The following CLTCL1 variants were observed in gnomAD, a reference collection of about 807,000 sequenced individuals.
CLTCL1 encodes the protein clathrin heavy chain like 1.
In CLTCL1, 159 loss-of-function variants were observed where a neutral mutation model predicts 190.0. The ratio of observed to expected loss-of-function variants is 0.84; its 90% CI spans 0.74 to 0.95. The LOEUF (loss-of-function observed/expected upper bound fraction) is 0.95. Among genes scored for constraint, CLTCL1 ranks in the 40% least tolerant of loss-of-function variants. The pLI is 0.00. For missense variants in CLTCL1, 1,878 were observed against 2,033.4 expected, an observed-to-expected ratio of 0.92 and a Z score of 1.47; for synonymous variants, 752 against 769.6, an observed-to-expected ratio of 0.98 and a Z score of 0.38.
chr22:19,222,916 A>T (rs2085622131), intron 14 of CLTCL1, 107 bp from the exon 15 acceptor site: 1 of 1,348,904 alleles, frequency 7.4e-7, no homozygotes, highest in African/African-American at 1.4e-5. Flanking sequence ...GCAGAGTGAC[A>T]CACAGGAGAC....
At chr22:19,281,884 T>C (rs1414581935) in intron 1 of CLTCL1, among the ~76,000 whole-genome samples, 1 of 152,190 alleles carries the variant, frequency 6.6e-6, no homozygotes, top group Non-Finnish European at 1.5e-5. Flanking sequence ...TACACATGTA[T>C]GGCATTTGAA....
intron 2 of CLTCL1, among the ~76,000 whole-genome samples, chr22:19,256,640 G>A (rs1251501303): frequency 6.6e-6 from 1 of 151,246 alleles, no homozygotes; most frequent in East Asian, 1.9e-4. Flanking sequence ...TTATAGGCGC[G>A]AGCCACCATG....
At chr22:19,194,646 G>A (rs1601469125) in intron 26 of CLTCL1, among the ~76,000 whole-genome samples, 1 of 152,320 alleles carries the variant, frequency 6.6e-6, no homozygotes. Flanking sequence ...GAAACATGAT[G>A]TCCATTGTAT....
chr22:19,200,911 T>G (rs2146318086), intron 23 of CLTCL1, among the ~76,000 whole-genome samples: 1 of 152,268 alleles, frequency 6.6e-6, no homozygotes, highest in Admixed American at 6.5e-5. Context: ...ATTTTAATCT[T>G]TCATTAAACA....
chr22:19,203,788 A>C (rs569229309), intron 22 of CLTCL1, among the ~76,000 whole-genome samples: 39 of 152,114 alleles, frequency 2.6e-4, no homozygotes, highest in Non-Finnish European at 5.3e-4. Flanking sequence ...AGCTGGACAG[A>C]TCCACATGGC....
At chr22:19,206,919 GTTTAT>G (rs201154168) in intron 22 of CLTCL1, among the ~76,000 whole-genome samples, 6,952 of 150,996 alleles carry the variant, frequency 0.046, 231 homozygotes, top group Non-Finnish European at 0.065. Flanking sequence ...TATGGTTAAG[GTTTAT>G]TTAAACATTT....
chr22:19,265,403 G>A (rs774332191), intron 2 of CLTCL1, among the ~76,000 whole-genome samples: 3 of 151,982 alleles, frequency 2.0e-5, no homozygotes, highest in Non-Finnish European at 4.4e-5. Context: ...AAATATGTTG[G>A]TTAGTATAAA....
At chr22:19,286,197 T>G (rs2087900383) in intron 1 of CLTCL1, among the ~76,000 whole-genome samples, 2 of 152,060 alleles carry the variant, frequency 1.3e-5, no homozygotes, top group African/African-American at 4.8e-5. Flanking sequence ...TGAAGATCTG[T>G]TTTTCCAAAG....
intron 2 of CLTCL1, among the ~76,000 whole-genome samples, chr22:19,261,950 C>T (rs1458464135): frequency 6.6e-6 from 1 of 152,212 alleles, no homozygotes; most frequent in Non-Finnish European, 1.5e-5. Flanking sequence ...TTGCACGCTA[C>T]AGAGCAATCT....
At chr22:19,211,825 T>C (rs1271579624) in intron 19 of CLTCL1, among the ~76,000 whole-genome samples, 1 of 133,332 alleles carries the variant, frequency 7.5e-6, no homozygotes, top group Admixed American at 7.4e-5. Flanking sequence ...CATGATTGAT[T>C]AAAAAAAACT....
intron 26 of CLTCL1, among the ~76,000 whole-genome samples, chr22:19,192,199 G>A (rs1225445573): frequency 6.6e-6 from 1 of 151,538 alleles, no homozygotes; most frequent in African/African-American, 2.4e-5. Flanking sequence ...CTGAGTAGCT[G>A]GGACTACAGG....
intron 2 of CLTCL1, among the ~76,000 whole-genome samples, chr22:19,266,768 T>C (rs1555978104): frequency 6.6e-6 from 1 of 152,244 alleles, no homozygotes; most frequent in Admixed American, 6.5e-5. Context: ...AATTAATTTA[T>C]GTAATACACC....
chr22:19,186,746 G>T (rs1415792528), intron 29 of CLTCL1, among the ~76,000 whole-genome samples: 1 of 151,974 alleles, frequency 6.6e-6, no homozygotes, highest in Non-Finnish European at 1.5e-5. Context: ...GATTGCAGGA[G>T]TGCACCACTA....
chr22:19,209,098 A>G lies in CLTCL1; in HGVS notation c.3266T>C (p.Ile1089Thr), dbSNP rs2085140891. The change falls in exon 21 of 33, where the codon ATT becomes ACT. Residue 1089 changes from isoleucine to threonine, a missense_variant. Physicochemically the swap from Ile to Thr is moderately conservative, Grantham distance 89. Transcript: ENST00000427926. ...ASAIQVLIEH[I>T]GNLDRAYEFA... is the part of the protein sequence containing the mutation. ...CTCATATGCCCGGTCCAGGTTTCCAATGTGCTCGATCAGGACCTAGGGGTT... is the reference window on the plus strand; with the variant it reads ...CTCATATGCCCGGTCCAGGTTTCCAGTGTGCTCGATCAGGACCTAGGGGTT... The G allele has an allele frequency of 3.1e-6, 5 of 1,604,574 alleles. No individual in the cohort carries two copies. The highest frequency in any genetic ancestry group is 4.3e-6 in the Non-Finnish European group (5 of 1,175,148).
intron 2 of CLTCL1, among the ~76,000 whole-genome samples, chr22:19,261,844 T>C (rs577636485): frequency 1.9e-4 from 29 of 152,106 alleles, no homozygotes; most frequent in Non-Finnish European, 4.1e-4. Flanking sequence ...TTTAGAACAG[T>C]ACATAAACTT....
chr22:19,232,725 G>A, intron 9 of CLTCL1, 127 bp from the exon 10 acceptor site: 1 of 1,195,582 alleles, frequency 8.4e-7, no homozygotes, highest in Non-Finnish European at 1.1e-6. Flanking sequence ...ATCATGTGTA[G>A]GTACCACCTT....
chr22:19,180,393 C>T (rs1269498060), intron 31 of CLTCL1, among the ~76,000 whole-genome samples, 155 bp from the exon 32 acceptor site: 34 of 152,222 alleles, frequency 2.2e-4, no homozygotes, highest in Admixed American at 2.2e-3. Context: ...GCTCGACAGC[C>T]AGGCTGCCCT....
intron 1 of CLTCL1, among the ~76,000 whole-genome samples, chr22:19,285,279 A>G (rs1298856954): frequency 6.6e-6 from 1 of 151,194 alleles, no homozygotes; most frequent in Admixed American, 6.6e-5. Context: ...CATCTTAAAA[A>G]AAAGAAAAAG....
chr22:19,216,603 A>G (rs2085392528), intron 18 of CLTCL1, among the ~76,000 whole-genome samples: 1 of 152,232 alleles, frequency 6.6e-6, no homozygotes, highest in Non-Finnish European at 1.5e-5. Flanking sequence ...AAGACACCGC[A>G]GGGGCTTCCA....
Sources: allele counts gnomAD v4.1 joint callset (sites outside exome capture counted in the v4.1 genomes callset), GRCh38; gene constraint gnomAD v4.1.1; transcripts MANE v1.5; gene names NCBI Gene and HGNC (gene_info 2026-07-23, HGNC 2026-07-21).